CNKSR3: variants seen among roughly 807,000 people sequenced by gnomAD.
CNKSR3 encodes CNKSR family member 3.
In CNKSR3, 36 loss-of-function variants were observed where a neutral mutation model predicts 67.7. That is an observed-to-expected ratio of 0.53 (90% CI 0.41 to 0.70). CNKSR3 has a LOEUF of 0.70. Among genes scored for constraint, CNKSR3 ranks in the 30% least tolerant of loss-of-function variants. CNKSR3 has a pLI of 0.00. For missense variants in CNKSR3, 630 were observed against 695.2 expected, an observed-to-expected ratio of 0.91 and a Z score of 1.05; for synonymous variants, 281 against 271.4, an observed-to-expected ratio of 1.04 and a Z score of -0.35.
At chr6:154,500,087 G>C (rs1371123043) in intron 1 of CNKSR3, among the ~76,000 whole-genome samples, 1 of 152,208 alleles carries the variant, frequency 6.6e-6, no homozygotes, top group East Asian at 1.9e-4. Flanking sequence ...ACTTTAACAG[G>C]TGTTACATGA....
chr6:154,433,548 G>A lies in CNKSR3; in HGVS notation c.508-41C>T, dbSNP rs370870144. 1.7e-5 allele frequency: 25 copies of A among 1,462,044 alleles called. No individual in the cohort carries two copies. The African/African-American group carries it at 2.1e-4, about 12-fold the overall frequency. 90.6% of individuals were successfully genotyped at this position (1,462,044 alleles called of 1,614,324 possible). Reference sequence around the variant, plus strand: ...GAGAAAATGAATACTAAGTACAAGAGTTAAAAACGTTCAGAACTGTTGGCC... The same window carrying A: ...GAGAAAATGAATACTAAGTACAAGAATTAAAAACGTTCAGAACTGTTGGCC... On this transcript the variant is annotated intron_variant, in intron 4 of 12. Transcript: ENST00000607772.
At chr6:154,449,083 C>A (rs1785768656) in intron 2 of CNKSR3, among the ~76,000 whole-genome samples, 1 of 152,214 alleles carries the variant, frequency 6.6e-6, no homozygotes, top group South Asian at 2.1e-4. Context: ...CCTAACGAAG[C>A]TACCCATGTG....
chr6:154,462,798 C>G (rs765616802), intron 1 of CNKSR3, among the ~76,000 whole-genome samples: 1 of 152,216 alleles, frequency 6.6e-6, no homozygotes, highest in African/African-American at 2.4e-5. Context: ...CCTTCACAAG[C>G]CTTTCCAAAC....
intron 2 of CNKSR3, among the ~76,000 whole-genome samples, chr6:154,444,936 A>G (rs1785678111): frequency 1.3e-5 from 2 of 152,116 alleles, no homozygotes; most frequent in Admixed American, 6.6e-5. Context: ...GGCTTTGGCT[A>G]TGTGGGCCAG....
chr6:154,453,778 C>G (rs116130275), intron 1 of CNKSR3, among the ~76,000 whole-genome samples: 4 of 152,166 alleles, frequency 2.6e-5, no homozygotes, highest in Non-Finnish European at 4.4e-5. Context: ...GTAAACTGAT[C>G]TAACAGTCTT....
rs1419655368 is a variant in CNKSR3 at position 154,389,301 on chromosome 6, T to G, written c.*17053A>C. Reference sequence around the variant, plus strand: ...AGATAAAAGTCCAGTTTCCCCCTTTTGCACATGGATATCTGATTTTCTCAA... The same window carrying G: ...AGATAAAAGTCCAGTTTCCCCCTTTGGCACATGGATATCTGATTTTCTCAA... On this transcript the variant is annotated 3_prime_UTR_variant, in exon 13 of 13. Coordinates refer to ENST00000607772, the MANE Select transcript of CNKSR3 (RefSeq NM_173515.4). The G allele has an allele frequency of 6.6e-6, 1 of 152,268 alleles. No individual in the cohort carries two copies. Among genetic ancestry groups the G allele is most frequent in the Non-Finnish European group, 1.5e-5 (1 of 68,028 alleles). The allele number at this position is 152,268 out of a possible 1,614,324, so 9.4% of individuals were successfully genotyped here. A position where few individuals can be genotyped will look rare whatever the true frequency, so the allele number is the denominator to read the frequency against.
At chr6:154,435,590 C>T (rs1198177117) in intron 4 of CNKSR3, among the ~76,000 whole-genome samples, 1 of 152,258 alleles carries the variant, frequency 6.6e-6, no homozygotes, top group Non-Finnish European at 1.5e-5. Flanking sequence ...GTGGTTCCCA[C>T]ACCCATTCCT....
At chr6:154,457,606 G>A (rs1255746456) in intron 1 of CNKSR3, among the ~76,000 whole-genome samples, 2 of 152,082 alleles carry the variant, frequency 1.3e-5, no homozygotes, top group Non-Finnish European at 2.9e-5. Flanking sequence ...AGCTACAGGC[G>A]TTCTCTGCAT....
intron 5 of CNKSR3, among the ~76,000 whole-genome samples, chr6:154,433,118 T>C (rs1260957498): frequency 6.6e-6 from 1 of 152,170 alleles, no homozygotes; most frequent in African/African-American, 2.4e-5. Context: ...TGCCAAGAAT[T>C]TTTTTCTTAA....
At chr6:154,477,490 T>C (rs890584197) in intron 1 of CNKSR3, among the ~76,000 whole-genome samples, 16 of 145,910 alleles carry the variant, frequency 1.1e-4, no homozygotes, top group African/African-American at 3.6e-4. Context: ...TTTTTTTTTT[T>C]CTGTATTTTT....
Position 154,406,707 on chromosome 6 carries a change from C to T in CNKSR3, c.1370-55G>A. ...AATCCCAGCCGGGCGTGGTGGCTCA[C>T]ACCTGTAATCTCCGCACTTTGGGAG... On this transcript the variant is annotated intron_variant, in intron 12 of 12. Transcript: ENST00000607772. The T allele has an allele frequency of 4.0e-6, 6 of 1,484,184 alleles. No individual in the cohort carries two copies. In the South Asian group the frequency reaches 7.7e-5, roughly 19 times the overall value. 91.9% of individuals were successfully genotyped at this position (1,484,184 alleles called of 1,614,324 possible). A position where few individuals can be genotyped will look rare whatever the true frequency, so the allele number is the denominator to read the frequency against.
chr6:154,454,122 G>GCTC (rs1785900419), intron 1 of CNKSR3, among the ~76,000 whole-genome samples: 1 of 138,662 alleles, frequency 7.2e-6, no homozygotes, highest in South Asian at 2.3e-4. Flanking sequence ...GAGAGAGAGA[G>GCTC]AGAGAGAGAG....
intron 2 of CNKSR3, among the ~76,000 whole-genome samples, chr6:154,449,171 G>A (rs1040363890): frequency 1.3e-5 from 2 of 152,142 alleles, no homozygotes; most frequent in African/African-American, 4.8e-5. Context: ...ATGTAATGAA[G>A]GCCACATTTT....
At chr6:154,422,380 T>C in intron 9 of CNKSR3, 126 bp downstream of exon 9, 1 of 846,418 alleles carries the variant, frequency 1.2e-6, no homozygotes, top group Non-Finnish European at 1.9e-6. Flanking sequence ...TAGGCAGGAG[T>C]ATAGGATAAT....
chr6:154,424,570 T>A (rs1196611128), intron 7 of CNKSR3, among the ~76,000 whole-genome samples: 1 of 152,216 alleles, frequency 6.6e-6, no homozygotes, highest in Non-Finnish European at 1.5e-5. Context: ...CTCTAAATTG[T>A]TGTGACAGGC....
chr6:154,485,706 A>T (rs893272666), intron 1 of CNKSR3, among the ~76,000 whole-genome samples: 2 of 152,194 alleles, frequency 1.3e-5, no homozygotes, highest in Non-Finnish European at 2.9e-5. Flanking sequence ...CAGGCAATCT[A>T]AAAGTCCCTT....
chr6:154,480,413 C>G (rs1467455451), intron 1 of CNKSR3, among the ~76,000 whole-genome samples: 2 of 152,168 alleles, frequency 1.3e-5, no homozygotes, highest in Non-Finnish European at 1.5e-5. Context: ...TCTGCTTTCC[C>G]CCTACAGCAG....
chr6:154,417,286 TA>T (rs374586317), intron 9 of CNKSR3, among the ~76,000 whole-genome samples: 4 of 152,316 alleles, frequency 2.6e-5, no homozygotes, highest in Non-Finnish European at 2.9e-5. Context: ...TTGGAAAGAT[TA>T]CATACCTTGA....
intron 1 of CNKSR3, among the ~76,000 whole-genome samples, chr6:154,497,810 G>GGT (rs3050994): frequency 0.43 from 64,716 of 151,938 alleles, 14,433 homozygotes; most frequent in African/African-American, 0.57. Flanking sequence ...AACTGAAGCT[G>GGT]GTGTTTCTTG....
Sources: allele counts gnomAD v4.1 joint callset (sites outside exome capture counted in the v4.1 genomes callset), GRCh38; gene constraint gnomAD v4.1.1; transcripts MANE v1.5; gene names NCBI Gene and HGNC (gene_info 2026-07-23, HGNC 2026-07-21).